IPO11: variants seen among roughly 807,000 people sequenced by gnomAD.
The protein encoded by IPO11 is importin-11.
Under a neutral mutation model 143.2 loss-of-function variants are expected in IPO11, and 66 were observed. The ratio of observed to expected loss-of-function variants is 0.46; its 90% confidence interval spans 0.38 to 0.57. IPO11 has a LOEUF of 0.57. Ranked by LOEUF, IPO11 falls within the 20% of genes least tolerant of loss-of-function variation. The pLI, the probability that IPO11 is intolerant of heterozygous loss-of-function variation, is 0.00. For missense variants in IPO11, 1,026 were observed against 1,141.0 expected (o/e 0.90, Z 1.45); for synonymous variants, 385 against 377.8 (o/e 1.02, Z -0.22).
chr5:62,559,589 T>C (rs1208018692), intron 26 of IPO11, among the ~76,000 whole-genome samples: 1 of 152,098 alleles, frequency 6.6e-6, no homozygotes, highest in Non-Finnish European at 1.5e-5. Flanking sequence ...TGCTTTTGTT[T>C]TTGTTTTTGT....
At chr5:62,605,289 A>G (rs575001564) in intron 29 of IPO11, among the ~76,000 whole-genome samples, 10 of 152,318 alleles carry the variant, frequency 6.6e-5, no homozygotes, top group Admixed American at 3.3e-4. Context: ...AGAAAGGCAG[A>G]TGATTAATAT....
In IPO11 at chr5:62,489,324, G is replaced by C; in HGVS notation, c.1332G>C (p.Met444Ile). ...TLQGPTNVED[M>I]NALLIKDAVY... ...TAGGACCCACAAATGTGGAAGATAT[G>C]AATGCACTGTTAATCAAAGATGCTG... The change falls in exon 14 of 30, where the codon ATG becomes ATC. Residue 444 changes from methionine to isoleucine, a missense_variant. By Grantham distance (10) the Met-to-Ile change is conservative. Transcript: ENST00000325324. 1 of 1,566,160 alleles carries C rather than the reference G, an allele frequency of 6.4e-7. No homozygotes were observed. The highest frequency in any genetic ancestry group is 8.7e-7 in the Non-Finnish European group (1 of 1,151,214).
intron 29 of IPO11, among the ~76,000 whole-genome samples, chr5:62,621,766 A>G (rs1246215284): frequency 6.6e-6 from 1 of 152,218 alleles, no homozygotes; most frequent in African/African-American, 2.4e-5. Flanking sequence ...GTCTTTTACA[A>G]ATTTGAATCT....
intron 3 of IPO11, among the ~76,000 whole-genome samples, chr5:62,448,195 A>C (rs1561315021): frequency 1.3e-5 from 2 of 151,922 alleles, no homozygotes; most frequent in Non-Finnish European, 2.9e-5. Flanking sequence ...TCAGTCTGAT[A>C]ACAAGATAGC....
chr5:62,423,591 T>A (rs1422749876), intron 1 of IPO11, among the ~76,000 whole-genome samples: 3 of 152,140 alleles, frequency 2.0e-5, no homozygotes, highest in Non-Finnish European at 4.4e-5. Context: ...AAAGCATACA[T>A]AAAAGTAGAC....
intron 6 of IPO11, 140 bp from the exon 7 acceptor site, chr5:62,470,110 A>G: frequency 2.8e-6 from 2 of 717,876 alleles, no homozygotes; most frequent in Middle Eastern, 3.1e-4. Flanking sequence ...CTAATTTCCC[A>G]GCCAAATGAC....
At chr5:62,446,346 T>G (rs1479938141) in intron 3 of IPO11, among the ~76,000 whole-genome samples, 4 of 152,180 alleles carry the variant, frequency 2.6e-5, no homozygotes, top group Non-Finnish European at 5.9e-5. Flanking sequence ...ACATGTGTGT[T>G]CAACTTTAGT....
chr5:62,476,002 A>C (rs1745945094), intron 8 of IPO11, among the ~76,000 whole-genome samples: 1 of 152,228 alleles, frequency 6.6e-6, no homozygotes, highest in African/African-American at 2.4e-5. Flanking sequence ...TATGTTAGTC[A>C]GTTTCAATTT....
chr5:62,543,179 C>T (rs1486632956), intron 24 of IPO11, among the ~76,000 whole-genome samples: 1 of 152,134 alleles, frequency 6.6e-6, no homozygotes, highest in Non-Finnish European at 1.5e-5. Context: ...ACTTTGTATG[C>T]AGTGTAGGCC....
intron 22 of IPO11, among the ~76,000 whole-genome samples, chr5:62,533,994 C>T (rs1349764720): frequency 1.3e-5 from 2 of 150,634 alleles, no homozygotes; most frequent in Non-Finnish European, 3.0e-5. Context: ...AAGTTTCTTA[C>T]TTTAAAACAT....
chr5:62,552,398 G>C (rs1197997164), intron 26 of IPO11, among the ~76,000 whole-genome samples: 1 of 149,656 alleles, frequency 6.7e-6, no homozygotes, highest in East Asian at 1.9e-4. Flanking sequence ...CCCAACCCTT[G>C]TTTTGATAAA....
chr5:62,451,867 C>G lies in IPO11; in HGVS notation c.450C>G (p.Thr150=). 1.9e-6 allele frequency: 3 copies of G among 1,614,046 alleles called. No homozygotes were observed. The highest frequency in any genetic ancestry group is 3.3e-5 in the Admixed American group (2 of 60,030). ...TTCGACAGCACAGAGCATTACTTAC[C>G]TTCTATCATGTTACCAAGACACTGG... ...DDLRQHRALL[T]FYHVTKTLAS... Residue 150 remains threonine (T), a synonymous_variant, in exon 5 of 30, where the codon ACC becomes ACG. Coordinates refer to ENST00000325324, the MANE Select transcript of IPO11 (RefSeq NM_016338.5).
At chr5:62,444,904 A>G (rs1315647841) in intron 3 of IPO11, among the ~76,000 whole-genome samples, 1 of 151,034 alleles carries the variant, frequency 6.6e-6, no homozygotes, top group Non-Finnish European at 1.5e-5. Context: ...ATATGTATAT[A>G]TATATAAACA....
chr5:62,598,455 TC>T (rs1414227641), intron 28 of IPO11, among the ~76,000 whole-genome samples: 8 of 3,172 alleles, frequency 2.5e-3, no homozygotes, highest in South Asian at 0.017. Context: ...TCTCTCTCTC[TC>T]TCTCTCTCTC....
At chr5:62,580,814 C>T in intron 27 of IPO11, 1 of 1,551,404 alleles carries the variant, frequency 6.4e-7, no homozygotes. Flanking sequence ...GAACGAATTC[C>T]TACTTCACCT....
intron 27 of IPO11, among the ~76,000 whole-genome samples, chr5:62,570,328 C>T (rs990409965): frequency 6.6e-6 from 1 of 152,146 alleles, no homozygotes; most frequent in Non-Finnish European, 1.5e-5. Context: ...AAAAGTCCCA[C>T]ACTTTTTGAA....
chr5:62,481,030 C>T (rs1414250588), intron 9 of IPO11, among the ~76,000 whole-genome samples: 6 of 149,156 alleles, frequency 4.0e-5, no homozygotes, highest in Non-Finnish European at 8.9e-5. Flanking sequence ...ATTCTCCTGC[C>T]TCAGCCTCCT....
chr5:62,583,195 A>G (rs1744634079), intron 27 of IPO11, among the ~76,000 whole-genome samples: 2 of 152,144 alleles, frequency 1.3e-5, no homozygotes, highest in African/African-American at 4.8e-5. Context: ...CCCAACTCCT[A>G]CAAATCCAAT....
At position 62,484,036 on chromosome 5, in the gene IPO11, C is replaced by T. The variant is rs957123722; in HGVS notation, c.1048C>T (p.His350Tyr). 4 of 1,606,496 alleles carry T rather than the reference C, an allele frequency of 2.5e-6. No individual in the cohort carries two copies. Among genetic ancestry groups the T allele is most frequent in the East Asian group, 2.3e-5 (1 of 44,336 alleles). Residue 350 changes from histidine (H) to tyrosine (Y), a missense_variant, in exon 11 of 30, where the codon CAT becomes TAT. Coordinates refer to ENST00000325324, the MANE Select transcript of IPO11 (RefSeq NM_016338.5). ...TAGCAGCCCTGAAACTCTTGAAGCCCATAAGATTAAGATGGCATTCTTCAC... is the reference window on the plus strand; with the variant it reads ...TAGCAGCCCTGAAACTCTTGAAGCCTATAAGATTAAGATGGCATTCTTCAC... Reference protein sequence around the residue: ...EDSSPETLEAHKIKMAFFTYP... With the variant: ...EDSSPETLEAYKIKMAFFTYP...
Sources: allele counts gnomAD v4.1 joint callset (sites outside exome capture counted in the v4.1 genomes callset), GRCh38; gene constraint gnomAD v4.1.1; transcripts MANE v1.5; gene names NCBI Gene and HGNC (gene_info 2026-07-23, HGNC 2026-07-21).